The following ANKRD17 variants were observed in gnomAD, a reference collection of about 807,000 sequenced individuals.
The protein encoded by ANKRD17 is ankyrin repeat domain 17.
ANKRD17 carries 19 observed loss-of-function variants against 229.7 expected under a neutral mutation model. That is an observed-to-expected ratio of 0.08 (90% CI 0.06 to 0.12). The LOEUF (loss-of-function observed/expected upper bound fraction) is 0.12. Among genes scored for constraint, ANKRD17 ranks in the 10% least tolerant of loss-of-function variants. The pLI, the probability that ANKRD17 is intolerant of heterozygous loss-of-function variation, is 1.00. For missense variants in ANKRD17, 2,176 were observed against 3,176.8 expected (o/e 0.68, Z 7.57); for synonymous variants, 1,112 against 1,146.1 (o/e 0.97, Z 0.60).
intron 21 of ANKRD17, 30 bp from the exon 22 acceptor site, chr4:73,118,880 CTTTTTTTT>C (rs751549226): frequency 9.7e-5 from 78 of 804,620 alleles, no homozygotes; most frequent in South Asian, 5.2e-4. Context: ...ATAGCATTGT[CTTTTTTTT>C]TTTTTTTTTT....
At chr4:73,257,587 T>A (rs1388440232) in intron 1 of ANKRD17, among the ~76,000 whole-genome samples, 1 of 152,202 alleles carries the variant, frequency 6.6e-6, no homozygotes, top group Non-Finnish European at 1.5e-5. Flanking sequence ...CACTTACAAA[T>A]GTATATGGTC....
At chr4:73,129,271 A>C (rs1426895744) in intron 16 of ANKRD17, among the ~76,000 whole-genome samples, 1 of 152,192 alleles carries the variant, frequency 6.6e-6, no homozygotes, top group Non-Finnish European at 1.5e-5. Context: ...ATTTAATGCA[A>C]AAATATTCTG....
At chr4:73,225,861 C>CAAAAAAAAAAAAAAAAAAAAAAAAAAA (rs375866026) in intron 1 of ANKRD17, among the ~76,000 whole-genome samples, 1 of 66,696 alleles carries the variant, frequency 1.5e-5, no homozygotes, top group Non-Finnish European at 2.6e-5. Context: ...GACTCTGTCT[C>CAAAAAAAAAAAAAAAAAAAAAAAAAAA]AAAAAAAAAA....
Position 73,203,784 on chromosome 4 carries a change from A to G in ANKRD17, c.394-26251T>C, listed in dbSNP as rs192051423. 9.9e-5 allele frequency among the ~76,000 whole-genome samples: 15 copies of G among 151,516 alleles called. 1 individual carries two copies. Among genetic ancestry groups the G allele is most frequent in the African/African-American group, 3.6e-4 (15 of 41,420 alleles). On this transcript the variant is annotated intron_variant, in intron 1 of 33. Transcript: ENST00000358602. ...AAAAAAAAAAAAAAAAAAAAAGAAA[A>G]AGAAATAATGTCTGAAAATTCTCAA...
intron 8 of ANKRD17, among the ~76,000 whole-genome samples, chr4:73,148,353 T>C (rs1341537742): frequency 6.6e-6 from 1 of 152,234 alleles, no homozygotes; most frequent in East Asian, 1.9e-4. Flanking sequence ...GTTTATGTAC[T>C]GAGCCCCTTG....
chr4:73,099,163 G>A (rs746434792), intron 25 of ANKRD17: 2 of 676,128 alleles, frequency 3.0e-6, no homozygotes, highest in Non-Finnish European at 5.5e-6. Flanking sequence ...TGCTGCCTGT[G>A]CCTCACTGAA....
chr4:73,144,356 T>C (rs907714375), intron 11 of ANKRD17, among the ~76,000 whole-genome samples: 15 of 152,286 alleles, frequency 9.8e-5, no homozygotes, highest in South Asian at 4.1e-4. Flanking sequence ...AAAGGAAACA[T>C]AGAAGCAGGG....
chr4:73,213,042 A>AAG lies in ANKRD17; in HGVS notation c.394-35510_394-35509insCT, dbSNP rs202116368. Among the ~76,000 whole-genome samples, 131 of 151,256 alleles carry AAG rather than the reference A, an allele frequency of 8.7e-4. 4 individuals carry two copies. The East Asian group carries it at 0.018, about 20-fold the overall frequency. On this transcript the variant is annotated intron_variant, in intron 1 of 33. Coordinates refer to ENST00000358602, the MANE Select transcript of ANKRD17 (RefSeq NM_032217.5). The stretch of plus-strand genomic sequence containing the variant: ...ACTCCGTTTCAGGGGAAAAAAAAAA[A>AAG]AAAAAGAAATATAAGAATTTAGAAG...
At chr4:73,241,311 A>G (rs1744012298) in intron 1 of ANKRD17, among the ~76,000 whole-genome samples, 1 of 152,202 alleles carries the variant, frequency 6.6e-6, no homozygotes, top group African/African-American at 2.4e-5. Context: ...AAATAAATGA[A>G]TAAAATGTAA....
intron 25 of ANKRD17, chr4:73,098,925 T>C: frequency 9.6e-7 from 1 of 1,043,014 alleles, no homozygotes; most frequent in South Asian, 1.3e-5. Context: ...CAGCCTCTGG[T>C]GAGTTCCGGG....
intron 29 of ANKRD17, among the ~76,000 whole-genome samples, chr4:73,089,935 CAT>C (rs1159024280): frequency 3.9e-5 from 6 of 152,090 alleles, no homozygotes; most frequent in Non-Finnish European, 8.8e-5. Context: ...AAAAAGTACA[CAT>C]GGTTATTGGC....
intron 1 of ANKRD17, among the ~76,000 whole-genome samples, chr4:73,184,331 C>T (rs1326012510): frequency 3.9e-5 from 6 of 152,028 alleles, no homozygotes; most frequent in South Asian, 4.2e-4. Context: ...GAGTTCGAGA[C>T]CAGCCTGGCC....
At chr4:73,093,072 G>A (rs994271426) in intron 28 of ANKRD17, among the ~76,000 whole-genome samples, 2 of 152,144 alleles carry the variant, frequency 1.3e-5, no homozygotes, top group African/African-American at 2.4e-5. Context: ...AGGAGAGGAC[G>A]ATGAATAAAA....
rs569454808 is a variant in ANKRD17, at chr4:73,226,523, G to A, written c.393+31753C>T. ...ATTCTCCTGCCTCAGCCACCAGAGC[G>A]GCTGGGATTACAGGCGCCTGCCACC... On this transcript the variant is annotated intron_variant, in intron 1 of 33. Transcript: ENST00000358602. 2.5e-3 allele frequency among the ~76,000 whole-genome samples: 373 copies of A among 147,464 alleles called. 2 individuals are homozygous for A. The highest frequency in any genetic ancestry group is 0.017 in the South Asian group (75 of 4,542).
At chr4:73,164,795 G>GAA (rs775487196) in intron 2 of ANKRD17, among the ~76,000 whole-genome samples, 1 of 113,758 alleles carries the variant, frequency 8.8e-6, no homozygotes, top group South Asian at 2.7e-4. Flanking sequence ...CTCTCCAAAG[G>GAA]AAAAAAAAAA....
chr4:73,176,145 AT>A (rs1734707137), intron 2 of ANKRD17, among the ~76,000 whole-genome samples: 1 of 152,176 alleles, frequency 6.6e-6, no homozygotes, highest in Non-Finnish European at 1.5e-5. Flanking sequence ...TGGGTCAAAG[AT>A]TTGAACAGCA....
intron 1 of ANKRD17, among the ~76,000 whole-genome samples, chr4:73,254,883 A>AT (rs1176197042): frequency 6.6e-6 from 1 of 152,160 alleles, no homozygotes; most frequent in Non-Finnish European, 1.5e-5. Context: ...AAATTATAAG[A>AT]TTTTTTTCTT....
intron 28 of ANKRD17, among the ~76,000 whole-genome samples, chr4:73,093,781 G>T (rs1723023185): frequency 6.6e-6 from 1 of 152,116 alleles, no homozygotes; most frequent in Non-Finnish European, 1.5e-5. Flanking sequence ...CTCCCTAAAA[G>T]TCTCAGAACA....
chr4:73,088,111 G>A (rs1001137462), intron 29 of ANKRD17, among the ~76,000 whole-genome samples: 2 of 152,094 alleles, frequency 1.3e-5, no homozygotes, highest in African/African-American at 4.8e-5. Flanking sequence ...ATCTTTATGT[G>A]ACTTAAATAA....
Sources: allele counts gnomAD v4.1 joint callset (sites outside exome capture counted in the v4.1 genomes callset), GRCh38; gene constraint gnomAD v4.1.1; transcripts MANE v1.5; gene names NCBI Gene and HGNC (gene_info 2026-07-23, HGNC 2026-07-21).